SOD2: variants seen among roughly 807,000 people sequenced by gnomAD.
The protein encoded by SOD2 is superoxide dismutase [Mn], mitochondrial.
In SOD2, 11 loss-of-function variants were observed where a neutral mutation model predicts 27.0. The observed-to-expected ratio is 0.41, with a 90% CI of 0.26 to 0.67. The LOEUF (loss-of-function observed/expected upper bound fraction) is 0.67. SOD2 is among the 30% of genes least tolerant of loss of function. The pLI is 0.34. For synonymous variants in SOD2, 105 were observed against 103.0 expected, an observed-to-expected ratio of 1.02 and a Z score of -0.12; for missense variants, 250 against 274.5, an observed-to-expected ratio of 0.91 and a Z score of 0.63.
At chr6:159,727,259 C>T (rs1369427250) in exon 1 of SOD2, 2 of 1,283,540 alleles carry the variant, frequency 1.6e-6, no homozygotes, top group South Asian at 1.2e-5. Context: ...GGCCTCCCTC[C>T]CTTCACCTTT....
rs1277517716 is a variant in SOD2 at position 159,673,148 on chromosome 6, T to C, written c.*9345A>G. ...GATTTAGACTCCCACACAATAACAATGGGAGACTCTAACACCCCACTGTCA... is the reference window on the plus strand; with the variant it reads ...GATTTAGACTCCCACACAATAACAACGGGAGACTCTAACACCCCACTGTCA... On this transcript the variant is annotated 3_prime_UTR_variant, in exon 5 of 5. Transcript: ENST00000538183. The C allele has an allele frequency of 6.6e-6, 1 of 152,078 alleles. No individual in the cohort carries two copies. Among genetic ancestry groups the C allele is most frequent in the Non-Finnish European group, 1.5e-5 (1 of 68,020 alleles). 9.4% of individuals were successfully genotyped at this position (152,078 alleles called of 1,614,324 possible).
At chr6:159,736,418 C>T (rs1278391483) in intron 1 of SOD2, 2 of 782,732 alleles carry the variant, frequency 2.6e-6, no homozygotes, top group African/African-American at 3.5e-5. Flanking sequence ...CATTTCTTTG[C>T]CTTTATAACA....
At chr6:159,727,050 C>A in intron 1 of SOD2, 1 of 1,219,612 alleles carries the variant, frequency 8.2e-7, no homozygotes, top group Non-Finnish European at 1.0e-6. Context: ...GCGAGTACTT[C>A]CACCTTCCCT....
intron 1 of SOD2, among the ~76,000 whole-genome samples, chr6:159,743,983 A>C (rs1779413076): frequency 6.6e-6 from 1 of 152,118 alleles, no homozygotes; most frequent in South Asian, 2.1e-4. Context: ...TTTTGTGGCC[A>C]AGAAGGCAAA....
intron 1 of SOD2, among the ~76,000 whole-genome samples, chr6:159,718,252 C>A (rs1369388768): frequency 6.6e-6 from 1 of 152,092 alleles, no homozygotes; most frequent in Non-Finnish European, 1.5e-5. Context: ...AAATTCCCAG[C>A]CTCCTAAAGT....
intron 1 of SOD2, chr6:159,736,123 T>A: frequency 1.1e-6 from 1 of 909,380 alleles, no homozygotes; most frequent in Non-Finnish European, 1.6e-6. Flanking sequence ...ATTTTAAAAT[T>A]GTTTATTTAA....
At chr6:159,712,327 GATCACCCTA>G (rs1248400728) in intron 1 of SOD2, among the ~76,000 whole-genome samples, 3 of 146,280 alleles carry the variant, frequency 2.1e-5, no homozygotes, top group Non-Finnish European at 3.0e-5. Context: ...ACACTGCTCT[GATCACCCTA>G]ACCACCTCCA....
At chr6:159,685,604 C>T (rs1165679117) in intron 3 of SOD2, among the ~76,000 whole-genome samples, 1 of 152,042 alleles carries the variant, frequency 6.6e-6, no homozygotes, top group Non-Finnish European at 1.5e-5. Context: ...TCATATGATG[C>T]TGAGGTCTGG....
upstream of SOD2, among the ~76,000 whole-genome samples, chr6:159,731,960 TA>T (rs1778598648): frequency 7.2e-6 from 1 of 139,566 alleles, no homozygotes; most frequent in Non-Finnish European, 1.5e-5. Flanking sequence ...AGAATATGGA[TA>T]CCTGTCTTTA....
chr6:159,734,674 T>C (rs1011275926), intron 1 of SOD2, among the ~76,000 whole-genome samples: 3 of 152,152 alleles, frequency 2.0e-5, no homozygotes, highest in African/African-American at 7.2e-5. Flanking sequence ...AAAAACTAAA[T>C]TAGTATAAGA....
rs1290505443 is a variant in SOD2 at position 159,713,911 on chromosome 6, T to C, written c.-116+13218A>G. 7.7e-6 allele frequency: 7 copies of C among 914,426 alleles called. No homozygotes were observed. The African/African-American group carries it at 1.1e-4, about 15-fold the overall frequency. 56.6% of individuals were successfully genotyped at this position (914,426 alleles called of 1,614,324 possible). A position where few individuals can be genotyped will look rare whatever the true frequency, so the allele number is the denominator to read the frequency against. On this transcript the variant is annotated intron_variant, in intron 1 of 2. Coordinates refer to the SOD2 transcript ENST00000401980. ...TTTTGCAATCAGAGAAGTGCATCACTTCATCAGCTGAGCAGGACCAGGATA... is the reference window on the plus strand; with the variant it reads ...TTTTGCAATCAGAGAAGTGCATCACCTCATCAGCTGAGCAGGACCAGGATA...
upstream of SOD2, among the ~76,000 whole-genome samples, chr6:159,728,115 C>T (rs548728071): frequency 2.6e-5 from 4 of 152,372 alleles, no homozygotes; most frequent in East Asian, 7.7e-4. Context: ...ACATTCGTTC[C>T]CTACATTTCA....
At chr6:159,700,910 A>G (rs1463800124) in intron 1 of SOD2, among the ~76,000 whole-genome samples, 1 of 152,016 alleles carries the variant, frequency 6.6e-6, no homozygotes, top group Admixed American at 6.6e-5. Flanking sequence ...CAGAGACCTA[A>G]TTTTCTTAAG....
chr6:159,726,784 C>G lies in SOD2; in HGVS notation c.-116+345G>C, dbSNP rs73599377. 2,281 of 1,288,956 alleles carry G rather than the reference C, an allele frequency of 1.8e-3. 29 individuals carry two copies. In the African/African-American group the frequency reaches 0.028, roughly 16 times the overall value. 79.8% of individuals were successfully genotyped at this position (1,288,956 alleles called of 1,614,324 possible). A position where few individuals can be genotyped will look rare whatever the true frequency, so the allele number is the denominator to read the frequency against. On this transcript the variant is annotated intron_variant, in intron 1 of 2. Coordinates refer to the SOD2 transcript ENST00000401980. ...AGATGTCAAGGAGGAACGAACCCAG[C>G]GGCCAGGAGACTGCGCCTCACGACT... is the stretch of plus-strand genomic sequence containing the variant.
intron 1 of SOD2, chr6:159,742,257 A>C (rs1271357604): frequency 2.2e-6 from 2 of 902,624 alleles, no homozygotes; most frequent in African/African-American, 3.4e-5. Context: ...GTGTTTTATT[A>C]TAAGAACTGT....
intron 1 of SOD2, among the ~76,000 whole-genome samples, chr6:159,737,590 T>A (rs1778998907): frequency 6.6e-6 from 1 of 152,048 alleles, no homozygotes; most frequent in Non-Finnish European, 1.5e-5. Context: ...TACCCCAGCT[T>A]ATGCGATCCT....
chr6:159,693,015 G>C, intron 1 of SOD2, 130 bp downstream of exon 1: 2 of 1,409,226 alleles, frequency 1.4e-6, no homozygotes, highest in Admixed American at 2.6e-5. Context: ...GGGCACTCCC[G>C]GGAGAACCGC....
chr6:159,707,630 T>C (rs187643417), intron 1 of SOD2, among the ~76,000 whole-genome samples: 74 of 152,166 alleles, frequency 4.9e-4, no homozygotes, highest in African/African-American at 1.7e-3. Flanking sequence ...AATTAATAGC[T>C]TACCAACCAA....
chr6:159,748,295 T>G (rs1222416443), upstream of SOD2: 6 of 1,613,850 alleles, frequency 3.7e-6, no homozygotes, highest in Non-Finnish European at 5.1e-6. The surrounding 1 kb of genome is among the most constrained non-coding windows in gnomAD (Gnocchi z 5.6). Flanking sequence ...AAATGAAAGG[T>G]GAACTGGAAC....
Sources: allele counts gnomAD v4.1 joint callset (sites outside exome capture counted in the v4.1 genomes callset), GRCh38; gene constraint gnomAD v4.1.1; non-coding constraint Gnocchi (gnomAD v3.1); transcripts MANE v1.5; gene names NCBI Gene and HGNC (gene_info 2026-07-23, HGNC 2026-07-21).